The following GABRG3 variants were observed in gnomAD, a reference collection of about 807,000 sequenced individuals.
GABRG3 encodes the protein gamma-aminobutyric acid type A receptor subunit gamma3.
A neutral mutation model predicts 48.8 loss-of-function variants in GABRG3; 25 were observed. The observed-to-expected ratio is 0.51, with a 90% CI of 0.37 to 0.72. GABRG3 has a LOEUF of 0.72. Among genes scored for constraint, GABRG3 ranks in the 30% least tolerant of loss-of-function variants. The pLI is 0.00. For synonymous variants in GABRG3, 227 were observed against 217.6 expected (o/e 1.04, Z -0.38); for missense variants, 394 against 577.9 (o/e 0.68, Z 3.26).
rs1034661385 is a variant in GABRG3, at chr15:27,473,430, T to C, written c.575-7220T>C. Among the ~76,000 whole-genome samples, 4 of 152,324 alleles carry C rather than the reference T, an allele frequency of 2.6e-5. No individual in the cohort carries two copies. In the South Asian group the frequency reaches 8.3e-4, roughly 32 times the overall value. On this transcript the variant is annotated intron_variant, in intron 5 of 9. Transcript: ENST00000615808. ...TGTAATTGTTCAGTAGTGTGTTGAC[T>C]AAGACTGAATGTGTTAGAAGGTAGT...
chr15:27,214,892 C>G (rs1006384480), intron 3 of GABRG3, among the ~76,000 whole-genome samples: 3 of 152,150 alleles, frequency 2.0e-5, no homozygotes, highest in African/African-American at 7.2e-5. Flanking sequence ...CTTCGAAAAA[C>G]AAACTGAAAC....
chr15:27,234,452 A>G (rs34036620), intron 3 of GABRG3, among the ~76,000 whole-genome samples: 34,669 of 152,078 alleles, frequency 0.23, 6,218 homozygotes, highest in East Asian at 0.48. Context: ...TTCCTTGCTA[A>G]GGTTGCTGTG....
intron 3 of GABRG3, among the ~76,000 whole-genome samples, chr15:27,150,282 G>T (rs1053122832): frequency 1.3e-5 from 2 of 152,194 alleles, no homozygotes; most frequent in Non-Finnish European, 2.9e-5. Flanking sequence ...TTCCTCTGGG[G>T]AGTGGGAGTG....
chr15:27,432,271 G>T (rs916357932), intron 5 of GABRG3, among the ~76,000 whole-genome samples: 3 of 151,952 alleles, frequency 2.0e-5, no homozygotes, highest in Non-Finnish European at 4.4e-5. Flanking sequence ...TCCTACCTTC[G>T]TGCTATTAAT....
intron 5 of GABRG3, among the ~76,000 whole-genome samples, chr15:27,403,045 A>G (rs1283628422): frequency 2.6e-5 from 4 of 152,162 alleles, no homozygotes; most frequent in African/African-American, 9.7e-5. Flanking sequence ...ATGTTCAAGT[A>G]AGTAAAAGAT....
At chr15:27,229,602 G>T (rs553613967) in intron 3 of GABRG3, among the ~76,000 whole-genome samples, 1 of 151,972 alleles carries the variant, frequency 6.6e-6, no homozygotes, top group South Asian at 2.1e-4. Context: ...TCAGCCTCCC[G>T]AGTAGATGGG....
intron 5 of GABRG3, among the ~76,000 whole-genome samples, chr15:27,374,049 T>G (rs1895501580): frequency 1.3e-5 from 2 of 152,068 alleles, no homozygotes; most frequent in African/African-American, 4.8e-5. Context: ...TTAAGAATTC[T>G]TATGATTTTA....
chr15:27,352,111 GGT>G lies in GABRG3; in HGVS notation c.574+23232_574+23233del, dbSNP rs1199087533. Reference sequence around the variant, plus strand: ...GTGTGTGTATGATGTGTGTATGTATGGTGTGTGTGTATGTATGATGTGTGTAT... The same window carrying G: ...GTGTGTGTATGATGTGTGTATGTATGGTGTGTGTATGTATGATGTGTGTAT... On this transcript the variant is annotated intron_variant, in intron 5 of 9. Transcript: ENST00000615808. This position sits in a 1 kb window ranked among gnomAD's most constrained non-coding sequence, Gnocchi z 4.0. 1.3e-5 allele frequency among the ~76,000 whole-genome samples: 2 copies of G among 148,524 alleles called. No homozygotes were observed. The highest frequency in any genetic ancestry group is 2.0e-4 in the East Asian group (1 of 4,946).
intron 3 of GABRG3, among the ~76,000 whole-genome samples, chr15:27,119,779 A>T (rs1471855128): frequency 6.6e-6 from 1 of 152,186 alleles, no homozygotes; most frequent in Admixed American, 6.5e-5. Context: ...CACTGCTCTC[A>T]GCTCCCAGAG....
rs1011173819 is a variant in GABRG3, at chr15:26,974,904, C to T, written c.54-2098C>T. On this transcript the variant is annotated intron_variant, in intron 1 of 9. Transcript: ENST00000615808. This position sits in a 1 kb window ranked among gnomAD's most constrained non-coding sequence, Gnocchi z 4.3. ...ATTATTATTATTTGAGATGGAGTCT[C>T]GCTCTGTTGCCCAGGCTGGAGTGCA... 4.1e-5 allele frequency among the ~76,000 whole-genome samples: 6 copies of T among 148,006 alleles called. No individual in the cohort carries two copies. Among genetic ancestry groups the T allele is most frequent in the Middle Eastern group, 3.6e-3 (1 of 274 alleles).
intron 6 of GABRG3, among the ~76,000 whole-genome samples, chr15:27,485,185 G>A (rs558185074): frequency 3.7e-4 from 56 of 152,250 alleles, no homozygotes; most frequent in African/African-American, 1.1e-3. Context: ...CATATGATGC[G>A]ATGAAAATCC....
chr15:27,009,401 T>G (rs1178598779), intron 2 of GABRG3, among the ~76,000 whole-genome samples: 1 of 152,164 alleles, frequency 6.6e-6, no homozygotes, highest in Admixed American at 6.5e-5. Context: ...ACATGACGAT[T>G]GAAAAAACCG....
At chr15:27,174,508 T>C (rs1887676821) in intron 3 of GABRG3, among the ~76,000 whole-genome samples, 1 of 151,960 alleles carries the variant, frequency 6.6e-6, no homozygotes, top group Admixed American at 6.5e-5. Context: ...AATGCTGAAA[T>C]CTCTCCCTTT....
intron 6 of GABRG3, among the ~76,000 whole-genome samples, chr15:27,506,896 G>A: frequency 6.6e-6 from 1 of 150,478 alleles, no homozygotes. Flanking sequence ...AGTTTCTTAA[G>A]GTGGTAGCTT....
At chr15:27,398,039 C>T (rs577693373) in intron 5 of GABRG3, among the ~76,000 whole-genome samples, 53 of 152,150 alleles carry the variant, frequency 3.5e-4, no homozygotes, top group African/African-American at 1.1e-3. Flanking sequence ...CCCCTGACCT[C>T]GTGATCCTCC....
intron 3 of GABRG3, among the ~76,000 whole-genome samples, chr15:27,094,664 C>T (rs534307169): frequency 1.3e-5 from 2 of 152,250 alleles, no homozygotes; most frequent in East Asian, 3.9e-4. Flanking sequence ...CCTACATTTG[C>T]AGAGATGCCT....
At chr15:27,317,611 T>A (rs1292857391) in intron 3 of GABRG3, among the ~76,000 whole-genome samples, 2 of 152,218 alleles carry the variant, frequency 1.3e-5, no homozygotes, top group African/African-American at 4.8e-5. Context: ...ATATTTTTTT[T>A]AAAAGAACAT....
chr15:27,394,436 CTT>C (rs1887238047), intron 5 of GABRG3, among the ~76,000 whole-genome samples: 2 of 151,768 alleles, frequency 1.3e-5, no homozygotes, highest in Non-Finnish European at 2.9e-5. Flanking sequence ...AGTTTAATAA[CTT>C]TTGGTTTATT....
At chr15:27,326,306 A>G (rs1168528852) in intron 3 of GABRG3, among the ~76,000 whole-genome samples, 1 of 152,272 alleles carries the variant, frequency 6.6e-6, no homozygotes, top group African/African-American at 2.4e-5. Context: ...AGACTCAAGT[A>G]CAAATAGTCA....
Sources: gnomAD v4.1 joint callset for allele counts (sites outside exome capture counted in the v4.1 genomes callset) on GRCh38, gnomAD v4.1.1 for gene constraint, Gnocchi (gnomAD v3.1) non-coding constraint, MANE v1.5 for transcripts, NCBI Gene and HGNC (gene_info 2026-07-23, HGNC 2026-07-21) for gene names.